ABR: variants seen among roughly 807,000 people sequenced by gnomAD.
The protein encoded by ABR is active breakpoint cluster region-related protein.
Under a neutral mutation model 107.2 loss-of-function variants are expected in ABR, and 35 were observed. The ratio of observed to expected loss-of-function variants is 0.33; its 90% CI spans 0.25 to 0.43. The LOEUF is 0.43. Ranked by LOEUF, ABR falls within the 20% of genes least tolerant of loss-of-function variation. The pLI is 1.00. For synonymous variants in ABR, 498 were observed against 462.0 expected (o/e 1.08, Z -1.00); for missense variants, 815 against 1,115.2 (o/e 0.73, Z 3.83).
At chr17:1,229,217 G>T (rs542073064) in exon 1 of ABR, among the ~76,000 whole-genome samples, 4 of 151,722 alleles carry the variant, frequency 2.6e-5, no homozygotes, top group African/African-American at 7.2e-5. Flanking sequence ...GGGGCGCGTC[G>T]TCCTCCCGGG....
chr17:1,015,107 A>G (rs2071036715), intron 16 of ABR, among the ~76,000 whole-genome samples: 1 of 152,032 alleles, frequency 6.6e-6, no homozygotes, highest in Non-Finnish European at 1.5e-5. Flanking sequence ...AGTTAGTACC[A>G]TGATTGGCAG....
chr17:1,175,737 GA>G (rs1412515094), intron 1 of ABR, among the ~76,000 whole-genome samples: 1 of 152,160 alleles, frequency 6.6e-6, no homozygotes, highest in Non-Finnish European at 1.5e-5. Context: ...ACCTGTGATG[GA>G]AGTGGGCACA....
chr17:1,197,970 T>A (rs2042600581), intron 1 of ABR, among the ~76,000 whole-genome samples: 1 of 151,756 alleles, frequency 6.6e-6, no homozygotes, highest in South Asian at 2.1e-4. Flanking sequence ...ACAGGAACAC[T>A]GCCGCTGCTG....
chr17:1,178,567 A>G (rs79999343), intron 1 of ABR, among the ~76,000 whole-genome samples: 6 of 131,708 alleles, frequency 4.6e-5, no homozygotes, highest in African/African-American at 1.3e-4. Context: ...TCCGTCTCAA[A>G]AAAAAAAAAA....
At chr17:1,127,338 C>T (rs1319668072) in intron 1 of ABR, among the ~76,000 whole-genome samples, 1 of 152,232 alleles carries the variant, frequency 6.6e-6, no homozygotes. Flanking sequence ...ACCCAGGATG[C>T]CCTCCCACTG....
At chr17:1,156,450 G>A (rs1387893166) in intron 1 of ABR, among the ~76,000 whole-genome samples, 2 of 152,176 alleles carry the variant, frequency 1.3e-5, no homozygotes, top group Non-Finnish European at 2.9e-5. Flanking sequence ...TCGGGAGGCC[G>A]AGGTGGAAGG....
At chr17:1,194,911 T>C (rs62087722) in intron 1 of ABR, among the ~76,000 whole-genome samples, 11,614 of 95,266 alleles carry the variant, frequency 0.12, 1,157 homozygotes, top group East Asian at 0.29. Flanking sequence ...CTCGGCCTCC[T>C]AAAGTGCTGG....
intron 1 of ABR, among the ~76,000 whole-genome samples, chr17:1,218,436 C>A (rs1438454950): frequency 6.6e-6 from 1 of 152,116 alleles, no homozygotes; most frequent in African/African-American, 2.4e-5. Context: ...AAGTGAAAAG[C>A]TATAGTCTGG....
rs1023118335 is a variant in ABR at position 1,078,673 on chromosome 17, G to A, written c.700+657C>T. 1.1e-4 allele frequency: 100 copies of A among 881,380 alleles called. 1 individual carries two copies. Among genetic ancestry groups the A allele is most frequent in the African/African-American group, 9.7e-4 (57 of 59,056 alleles). The allele number at this position is 881,380 out of a possible 1,614,324, so 54.6% of individuals were successfully genotyped here. On this transcript the variant is annotated intron_variant, in intron 6 of 22. Transcript: ENST00000302538. This position sits in a 1 kb window ranked among gnomAD's most constrained non-coding sequence, Gnocchi z 7.5. ...ACTCTAGGCTGGATGCCGCCAAAACGAAGGGGGAATTCAGGTCCAGCCGCT... is the reference window on the plus strand; with the variant it reads ...ACTCTAGGCTGGATGCCGCCAAAACAAAGGGGGAATTCAGGTCCAGCCGCT...
At chr17:1,217,020 G>T (rs968847380) in intron 1 of ABR, among the ~76,000 whole-genome samples, 1 of 152,170 alleles carries the variant, frequency 6.6e-6, no homozygotes, top group African/African-American at 2.4e-5. Flanking sequence ...TGCTGCCTAG[G>T]TGGGGCCACA....
intron 2 of ABR, among the ~76,000 whole-genome samples, chr17:1,113,145 A>G (rs1249298026): frequency 6.6e-6 from 1 of 152,168 alleles, no homozygotes; most frequent in African/African-American, 2.4e-5. Flanking sequence ...TCAGGGACAG[A>G]TTGACCTGGT....
chr17:1,031,690 G>GT (rs1269583141), intron 16 of ABR: 16 of 1,253,958 alleles, frequency 1.3e-5, no homozygotes, highest in Non-Finnish European at 1.6e-5. Context: ...AGCGCCAGGG[G>GT]TTCGCGCCCC....
intron 4 of ABR, among the ~76,000 whole-genome samples, chr17:1,086,745 CCCGCCT>C (rs1480711246): frequency 6.6e-6 from 1 of 152,126 alleles, no homozygotes; most frequent in African/African-American, 2.4e-5. Flanking sequence ...AGGTGATCCA[CCCGCCT>C]CCGCCTCCCA....
At chr17:1,212,406 G>A (rs2042919692) in intron 1 of ABR, among the ~76,000 whole-genome samples, 1 of 151,962 alleles carries the variant, frequency 6.6e-6, no homozygotes, top group South Asian at 2.1e-4. Context: ...TCTCCAGCCT[G>A]GGCAATAGAC....
intron 1 of ABR, among the ~76,000 whole-genome samples, chr17:1,134,069 CA>C (rs891437475): frequency 1.3e-5 from 2 of 152,192 alleles, no homozygotes; most frequent in Non-Finnish European, 2.9e-5. Context: ...CACCTGAGGT[CA>C]GGAGTTCGAG....
At chr17:1,041,943 G>A (rs1369168857) in intron 16 of ABR, among the ~76,000 whole-genome samples, 1 of 152,124 alleles carries the variant, frequency 6.6e-6, no homozygotes, top group East Asian at 1.9e-4. Context: ...GAAGGCCGAG[G>A]CAGGGGGCCC....
intron 16 of ABR, among the ~76,000 whole-genome samples, chr17:1,036,965 A>G (rs114182805): frequency 0.019 from 2,928 of 151,964 alleles, 100 homozygotes; most frequent in African/African-American, 0.067. Context: ...AGACCCTAGG[A>G]GCTATGTTTG....
intron 9 of ABR, among the ~76,000 whole-genome samples, chr17:1,068,461 C>G (rs1177454536): frequency 6.6e-6 from 1 of 152,168 alleles, no homozygotes; most frequent in Non-Finnish European, 1.5e-5. Flanking sequence ...CACAGCCAAC[C>G]AGGGAGGGCT....
intron 1 of ABR, among the ~76,000 whole-genome samples, chr17:1,129,977 C>A (rs752129507): frequency 6.6e-5 from 10 of 151,988 alleles, no homozygotes; most frequent in Non-Finnish European, 1.3e-4. Context: ...AACAAAAAAA[C>A]CAAGATGGAA....
Sources: gnomAD v4.1 joint callset for allele counts (sites outside exome capture counted in the v4.1 genomes callset) on GRCh38, gnomAD v4.1.1 for gene constraint, Gnocchi (gnomAD v3.1) non-coding constraint, MANE v1.5 for transcripts, NCBI Gene and HGNC (gene_info 2026-07-23, HGNC 2026-07-21) for gene names.